MTPAP: variants seen among roughly 807,000 people sequenced by gnomAD.
The protein encoded by MTPAP is mitochondrial poly(A) polymerase.
Under a neutral mutation model 48.7 loss-of-function variants are expected in MTPAP, and 23 were observed. The ratio of observed to expected loss-of-function variants is 0.47; its 90% confidence interval spans 0.34 to 0.67. The LOEUF (loss-of-function observed/expected upper bound fraction) is 0.67, where lower values mean the gene tolerates loss of function less well. Ranked by LOEUF, MTPAP falls within the 30% of genes least tolerant of loss-of-function variation. MTPAP has a pLI of 0.01. For synonymous variants in MTPAP, 257 were observed against 254.1 expected, an observed-to-expected ratio of 1.01 and a Z score of -0.11; for missense variants, 614 against 694.3, an observed-to-expected ratio of 0.88 and a Z score of 1.30.
intron 5 of MTPAP, among the ~76,000 whole-genome samples, chr10:30,325,395 T>C (rs964207928): frequency 2.6e-5 from 4 of 152,194 alleles, no homozygotes; most frequent in East Asian, 1.9e-4. Context: ...ACAAATAACA[T>C]AGTGAAATGA....
intron 1 of MTPAP, among the ~76,000 whole-genome samples, chr10:30,344,559 T>G (rs941126584): frequency 6.6e-6 from 1 of 152,148 alleles, no homozygotes; most frequent in Admixed American, 6.5e-5. Flanking sequence ...TGGTCCTTAT[T>G]TCCTTCTCTT....
intron 3 of MTPAP, 165 bp downstream of exon 3, chr10:30,340,061 A>G: frequency 1.5e-6 from 1 of 663,356 alleles, no homozygotes; most frequent in Non-Finnish European, 2.6e-6. Flanking sequence ...CCTTCATCTC[A>G]TTATGCATCC....
chr10:30,317,944 G>A (rs781114894), intron 6 of MTPAP, among the ~76,000 whole-genome samples: 3 of 151,928 alleles, frequency 2.0e-5, no homozygotes, highest in Non-Finnish European at 4.4e-5. Context: ...TGCAACTTCC[G>A]CGTCCCGGCT....
chr10:30,312,958 A>ATGCAGTG lies in MTPAP; in HGVS notation c.*650_*651insCACTGCA, dbSNP rs1332989359. 1 of 152,330 alleles carries ATGCAGTG rather than the reference A, an allele frequency of 6.6e-6. No individual in the cohort carries two copies. Among genetic ancestry groups the ATGCAGTG allele is most frequent in the Non-Finnish European group, 1.5e-5 (1 of 68,122 alleles). 9.4% of individuals were successfully genotyped at this position (152,330 alleles called of 1,614,324 possible). A position where few individuals can be genotyped will look rare whatever the true frequency, so the allele number is the denominator to read the frequency against. ...CAGTGACTGAAATGTCTGTTCTAAA[A>ATGCAGTG]ACATAAACATTTTTTGATATCAGTA... On this transcript the variant is annotated 3_prime_UTR_variant, in exon 9 of 9. Transcript: ENST00000263063.
intron 2 of MTPAP, among the ~76,000 whole-genome samples, chr10:30,340,749 C>T (rs542530428): frequency 1.6e-4 from 24 of 151,920 alleles, no homozygotes; most frequent in African/African-American, 5.8e-4. Flanking sequence ...TGAAACCTCG[C>T]CTCTACTAAA....
chr10:30,327,000 A>T (rs775625765), intron 4 of MTPAP, among the ~76,000 whole-genome samples: 4 of 152,188 alleles, frequency 2.6e-5, no homozygotes, highest in Non-Finnish European at 5.9e-5. Context: ...TTATATTTTA[A>T]TCTATGCTAT....
In MTPAP at chr10:30,326,530, C is replaced by G; in HGVS notation, c.886G>C (p.Gly296Arg). The change falls in exon 5 of 9, where the codon GGC becomes CGC. Residue 296 changes from glycine to arginine, a missense_variant. Physicochemically the swap from Gly to Arg is moderately radical, Grantham distance 125. Around this residue, in one of 5 missense-constraint regions of MTPAP, gnomAD observed 261 missense variants for 355.4 expected, o/e 0.73. Coordinates refer to ENST00000263063, the MANE Select transcript of MTPAP (RefSeq NM_018109.4). ...TTTTGCACACCCACACAGCCAGGGCCAAAGTGGTCAAGGCACTCTCCTAAC... is the reference window on the plus strand; with the variant it reads ...TTTTGCACACCCACACAGCCAGGGCGAAAGTGGTCAAGGCACTCTCCTAAC... ...SVLGECLDHF[G>R]PGCVGVQKIL... 6.2e-7 allele frequency: 1 copy of G among 1,614,134 alleles called. No individual in the cohort carries two copies. The highest frequency in any genetic ancestry group is 8.5e-7 in the Non-Finnish European group (1 of 1,180,008).
chr10:30,323,005 C>G (rs1377923869), intron 5 of MTPAP, among the ~76,000 whole-genome samples: 1 of 147,862 alleles, frequency 6.8e-6, no homozygotes, highest in Non-Finnish European at 1.5e-5. Context: ...GGCGTGCCCC[C>G]GTAATCCCAG....
chr10:30,332,440 C>CCCA (rs1411609933), intron 4 of MTPAP, among the ~76,000 whole-genome samples: 3 of 151,988 alleles, frequency 2.0e-5, no homozygotes, highest in African/African-American at 7.3e-5. Flanking sequence ...ATTATAGGCT[C>CCCA]CCACCACCAC....
At position 30,313,183 on chromosome 10, in the gene MTPAP, TA is replaced by T. The variant is rs1216266938; in HGVS notation, c.*425del. On this transcript the variant is annotated 3_prime_UTR_variant, in exon 9 of 9. Transcript: ENST00000263063. ...ATGGTTTCATCCTAAAACTGAGTTT[TA>T]GCATTTGTTTAGTATATTTACCTAT... The T allele has an allele frequency of 1.1e-5, 2 of 189,132 alleles. No individual in the cohort carries two copies. The highest frequency in any genetic ancestry group is 2.2e-5 in the Non-Finnish European group (2 of 90,326). 11.7% of individuals were successfully genotyped at this position (189,132 alleles called of 1,614,324 possible).
intron 1 of MTPAP, among the ~76,000 whole-genome samples, chr10:30,342,608 A>C (rs1490628939): frequency 6.6e-6 from 1 of 152,178 alleles, no homozygotes; most frequent in South Asian, 2.1e-4. Flanking sequence ...ATATGCACAC[A>C]CAAAATTGTG....
chr10:30,342,543 C>CAAAAAA, intron 1 of MTPAP, among the ~76,000 whole-genome samples: 1 of 136,576 alleles, frequency 7.3e-6, no homozygotes, highest in South Asian at 2.2e-4. Flanking sequence ...CGGAGTTCCA[C>CAAAAAA]AAAAAAAAAA....
At chr10:30,316,726 C>T (rs1181573032) in intron 6 of MTPAP, among the ~76,000 whole-genome samples, 3 of 151,666 alleles carry the variant, frequency 2.0e-5, no homozygotes, top group East Asian at 2.0e-4. Context: ...CCCATCTCTA[C>T]TAAAAATACA....
rs370064851 is a variant in MTPAP, at chr10:30,336,817, G to C, written c.766C>G (p.Leu256Val). 1.2e-6 allele frequency: 2 copies of C among 1,607,876 alleles called. No homozygotes were observed. The highest frequency in any genetic ancestry group is 1.7e-6 in the Non-Finnish European group (2 of 1,175,948). ...MFLDLDETRN[L>V]SAHKISGNFL... Reference sequence around the variant, plus strand: ...AATAGACTTACCTTGTGAGCGCTGAGGTTTCTGGTTTCATCTAGATCCAAA... The same window carrying C: ...AATAGACTTACCTTGTGAGCGCTGACGTTTCTGGTTTCATCTAGATCCAAA... Residue 256 changes from leucine to valine, a missense_variant, in exon 4 of 9, where the codon CTC becomes GTC. Physicochemically the swap from Leu to Val is conservative, Grantham distance 32. Transcript: ENST00000263063.
chr10:30,322,465 A>T lies in MTPAP; in HGVS notation c.1145T>A (p.Met382Lys). Reference sequence around the variant, plus strand: ...TCTCTGGAGAAAAAAGATGACCATCATTGTAAGGGAGAAATTTGTAATCCA... The same window carrying T: ...TCTCTGGAGAAAAAAGATGACCATCTTTGTAAGGGAGAAATTTGTAATCCA... ...GAWITNFSLT[M>K]MVIFFLQRRS... Residue 382 changes from methionine to lysine, a missense_variant, in exon 6 of 9, where the codon ATG becomes AAG. By Grantham distance (95) the Met-to-Lys change is moderately conservative. This residue lies in a region of MTPAP where 261 missense variants were observed against 355.4 expected (regional missense o/e 0.73). Coordinates refer to ENST00000263063, the MANE Select transcript of MTPAP (RefSeq NM_018109.4). The T allele has an allele frequency of 6.2e-7, 1 of 1,614,034 alleles. No individual in the cohort carries two copies. Among genetic ancestry groups the T allele is most frequent in the Non-Finnish European group, 8.5e-7 (1 of 1,179,892 alleles).
At chr10:30,339,819 T>C (rs1203460400) in intron 3 of MTPAP, among the ~76,000 whole-genome samples, 2 of 152,134 alleles carry the variant, frequency 1.3e-5, no homozygotes, top group Non-Finnish European at 2.9e-5. Flanking sequence ...CTTGACTAAG[T>C]AGGGTTTATT....
At chr10:30,315,813 A>C (rs545526477) in intron 8 of MTPAP, 150 bp downstream of exon 8, 463 of 887,500 alleles carry the variant, frequency 5.2e-4, no homozygotes, top group Non-Finnish European at 7.0e-4. Context: ...CAAGTCATGT[A>C]ACTTCTCTGG....
rs2132841035 is a variant in MTPAP, at chr10:30,313,373, G to C, written c.*236C>G. Reference sequence around the variant, plus strand: ...GCCTCCTGAGCAGCTGGGACTACAGGTGTGCACCGCCACACTCCACAGCTG... The same window carrying C: ...GCCTCCTGAGCAGCTGGGACTACAGCTGTGCACCGCCACACTCCACAGCTG... On this transcript the variant is annotated 3_prime_UTR_variant, in exon 9 of 9. Transcript: ENST00000263063. The C allele has an allele frequency of 1.9e-6, 1 of 532,894 alleles. No individual in the cohort carries two copies. The highest frequency in any genetic ancestry group is 3.5e-5 in the East Asian group (1 of 28,418). The allele number at this position is 532,894 out of a possible 1,614,324, so 33.0% of individuals were successfully genotyped here. A position where few individuals can be genotyped will look rare whatever the true frequency, so the allele number is the denominator to read the frequency against.
At chr10:30,347,572 T>G (rs572871280) in intron 1 of MTPAP, among the ~76,000 whole-genome samples, 2 of 152,296 alleles carry the variant, frequency 1.3e-5, no homozygotes, top group South Asian at 4.1e-4. Context: ...CTACAGTAAA[T>G]GAAGAGTATA....
Sources: allele counts gnomAD v4.1 joint callset (sites outside exome capture counted in the v4.1 genomes callset), GRCh38; gene constraint gnomAD v4.1.1; regional missense constraint gnomAD v4.1.1; transcripts MANE v1.5; gene names NCBI Gene and HGNC (gene_info 2026-07-23, HGNC 2026-07-21).